KIAA1549: variants seen among roughly 807,000 people sequenced by gnomAD.
The protein encoded by KIAA1549 is UPF0606 protein KIAA1549.
KIAA1549 carries 70 observed loss-of-function variants against 156.4 expected under a neutral mutation model. The ratio of observed to expected loss-of-function variants is 0.45; its 90% CI spans 0.37 to 0.55. The LOEUF is 0.55. Ranked by LOEUF, KIAA1549 falls within the 20% of genes least tolerant of loss-of-function variation. The pLI is 0.00. For synonymous variants in KIAA1549, 1,103 were observed against 1,066.4 expected (o/e 1.03, Z -0.67); for missense variants, 2,428 against 2,540.9 (o/e 0.96, Z 0.96).
chr7:138,876,459 C>T (rs1218783588), intron 12 of KIAA1549: 1 of 152,314 alleles, frequency 6.6e-6, no homozygotes, highest in African/African-American at 2.4e-5. Context: ...GCTGCTGAAG[C>T]GAGCACTGCA....
Position 138,861,577 on chromosome 7 carries a change from GCA to G in KIAA1549, c.4930-123_4930-122del, listed in dbSNP as rs57687210. Reference sequence around the variant, plus strand: ...ATTAAAAAATGACAGTTGAGGCTGTGCACAGTGGCTCACACCTTTAATTCCAG... The same window carrying G: ...ATTAAAAAATGACAGTTGAGGCTGTGCAGTGGCTCACACCTTTAATTCCAG... On this transcript the variant is annotated intron_variant, in intron 15 of 19. Coordinates refer to ENST00000422774, the MANE Select transcript of KIAA1549 (RefSeq NM_001164665.2). The G allele has an allele frequency of 5.5e-3, 4,556 of 833,782 alleles. 153 individuals carry two copies. The African/African-American group carries it at 0.069, about 13-fold the overall frequency. The allele number at this position is 833,782 out of a possible 1,614,324, so 51.6% of individuals were successfully genotyped here.
At chr7:138,884,013 A>G (rs1435379001) in intron 10 of KIAA1549, among the ~76,000 whole-genome samples, 1 of 152,188 alleles carries the variant, frequency 6.6e-6, no homozygotes, top group Non-Finnish European at 1.5e-5. Context: ...TACAAGGGTC[A>G]GGGCATTCAG....
intron 16 of KIAA1549, among the ~76,000 whole-genome samples, chr7:138,854,665 T>C (rs1439584788): frequency 6.6e-6 from 1 of 152,154 alleles, no homozygotes; most frequent in Non-Finnish European, 1.5e-5. Context: ...TATGCACAGA[T>C]AAAGCCAATG....
At position 138,840,267 on chromosome 7, in the gene KIAA1549, G is replaced by A. The variant is rs868476435; in HGVS notation, c.5464C>T (p.Gln1822Ter). The change falls in exon 19 of 20, where the codon CAG (glutamine) becomes TAG (stop). Residue 1822 changes from glutamine (Q) to a stop codon, truncating the protein, a stop_gained. Coordinates refer to ENST00000422774, the MANE Select transcript of KIAA1549 (RefSeq NM_001164665.2). LOFTEE classifies it high-confidence loss of function. ...GCAATCCCCACCTGTGTCAGGTGCT[G>A]GATCTGGGAGCCTGGAAGGAACATG... is the stretch of plus-strand genomic sequence containing the variant. The part of the protein sequence containing the change: ...PVGGTTGSQI[Q>*]HLTQVGIASR... 3 of 1,599,704 alleles carry A rather than the reference G, an allele frequency of 1.9e-6. No individual in the cohort carries two copies. The highest frequency in any genetic ancestry group is 1.3e-5 in the African/African-American group (1 of 74,812).
chr7:138,975,218 AAAGGAGAT>A (rs138437839), intron 1 of KIAA1549, among the ~76,000 whole-genome samples: 2,276 of 152,300 alleles, frequency 0.015, 53 homozygotes, highest in African/African-American at 0.052. Flanking sequence ...TGAAGCTAAC[AAAGGAGAT>A]GGAAAAAAGA....
chr7:138,833,568 A>T lies in KIAA1549; in HGVS notation c.*4338T>A, dbSNP rs1809605233. ...GGCAAACACCCACTGCTTAAAAGTC[A>T]TCTGCCACCCAAATCAAAACACTAT... On this transcript the variant is annotated 3_prime_UTR_variant, in exon 20 of 20. Coordinates refer to ENST00000422774, the MANE Select transcript of KIAA1549 (RefSeq NM_001164665.2). 4.3e-6 allele frequency: 1 copy of T among 232,584 alleles called. No homozygotes were observed. The highest frequency in any genetic ancestry group is 8.5e-6 in the Non-Finnish European group (1 of 117,680). 14.4% of individuals were successfully genotyped at this position (232,584 alleles called of 1,614,324 possible).
At position 138,917,167 on chromosome 7, in the gene KIAA1549, C is replaced by T; in HGVS notation, c.2459G>A (p.Gly820Asp). Residue 820 changes from glycine (G) to aspartate (D), a missense_variant, in exon 2 of 20, where the codon GGT (glycine) becomes GAT (aspartate). This residue lies in a region of KIAA1549 where 762 missense variants were observed against 901.6 expected (regional missense o/e 0.85). Transcript: ENST00000422774. ...PPDDQISALDGHVSVLASFSK... is the reference protein window; with the variant it reads ...PPDDQISALDDHVSVLASFSK... ...GAAAGAGGCCAGGACAGACACGTGACCGTCTAGAGCACTGATTTGGTCGTC... is the reference window on the plus strand; with the variant it reads ...GAAAGAGGCCAGGACAGACACGTGATCGTCTAGAGCACTGATTTGGTCGTC... 1.9e-6 allele frequency: 3 copies of T among 1,613,892 alleles called. No individual in the cohort carries two copies. The highest frequency in any genetic ancestry group is 1.1e-5 in the South Asian group (1 of 91,062).
In KIAA1549 at chr7:138,836,792, C is replaced by T. The variant is rs1809720613; in HGVS notation, c.*1114G>A. The stretch of plus-strand genomic sequence containing the variant: ...CCCTTGGGGTCTCAAAGCTCTTTTA[C>T]ATTTCTTGATTCATTACAGAGAGGC... On this transcript the variant is annotated 3_prime_UTR_variant, in exon 20 of 20. Transcript: ENST00000422774. 4.5e-6 allele frequency: 1 copy of T among 223,956 alleles called. No individual in the cohort carries two copies. Among genetic ancestry groups the T allele is most frequent in the South Asian group, 1.8e-4 (1 of 5,436 alleles). The allele number at this position is 223,956 out of a possible 1,614,324, so 13.9% of individuals were successfully genotyped here. A position where few individuals can be genotyped will look rare whatever the true frequency, so the allele number is the denominator to read the frequency against.
intron 1 of KIAA1549, among the ~76,000 whole-genome samples, chr7:138,962,071 G>A (rs1447944571): frequency 6.6e-6 from 1 of 152,044 alleles, no homozygotes; most frequent in Non-Finnish European, 1.5e-5. Flanking sequence ...TCCTCTCTCA[G>A]TTATCAGTTA....
In KIAA1549 at chr7:138,917,670, C is replaced by G. The variant is rs1404603783; in HGVS notation, c.1956G>C (p.Pro652=). The G allele has an allele frequency of 6.2e-7, 1 of 1,612,022 alleles. No homozygotes were observed. Residue 652 remains proline (P), a synonymous_variant, in exon 2 of 20, where the codon CCG becomes CCC. Transcript: ENST00000422774. ...SEAPASLSLM[P]SDLSPFTSQS... ...GAGATGTGAAGGGGGACAAGTCACT[C>G]GGCATCAGAGACAGAGACGCAGGTG...
intron 10 of KIAA1549, among the ~76,000 whole-genome samples, chr7:138,883,256 G>A (rs1354093792): frequency 1.1e-4 from 15 of 135,390 alleles, no homozygotes; most frequent in African/African-American, 3.8e-4. Context: ...CCAGGTGAAA[G>A]AGTAAGACTC....
At chr7:138,960,568 C>T (rs1367299752) in intron 1 of KIAA1549, among the ~76,000 whole-genome samples, 1 of 151,942 alleles carries the variant, frequency 6.6e-6, no homozygotes, top group African/African-American at 2.4e-5. Context: ...CCTCGGCCTC[C>T]AAAAATGCTG....
At chr7:138,838,297 C>A in intron 19 of KIAA1549, 137 bp from the exon 20 acceptor site, 4 of 877,852 alleles carry the variant, frequency 4.6e-6, no homozygotes, top group Non-Finnish European at 6.7e-6. Context: ...GCCCTGCTGC[C>A]TATGCTGCAG....
In KIAA1549 at chr7:138,918,170, G is replaced by C. The variant is rs2718131; in HGVS notation, c.1456C>G (p.Pro486Ala). Residue 486 changes from proline to alanine, a missense_variant, in exon 2 of 20, where the codon CCC becomes GCC. This residue lies in a region of KIAA1549 where 893 missense variants were observed against 847.9 expected (regional missense o/e 1.05). Transcript: ENST00000422774. This position sits in a 1 kb window ranked among gnomAD's most constrained non-coding sequence, Gnocchi z 4.2. ...GAAAGTGGGACGATAGGTCTGGAGG[G>C]GAAAAGCGTATTAAATACTTGAGGA... The part of the protein sequence containing the change: ...EDPQVFNTLF[P>A]SRPIVPLSSR... 373,895 of 1,613,224 alleles carry C rather than the reference G, an allele frequency of 0.23. 45,533 individuals are homozygous for C. Among genetic ancestry groups the C allele is most frequent in the African/African-American group, 0.38 (28,566 of 74,926 alleles).
At chr7:138,896,670 T>C (rs1409266052) in intron 9 of KIAA1549, among the ~76,000 whole-genome samples, 1 of 150,868 alleles carries the variant, frequency 6.6e-6, no homozygotes, top group Non-Finnish European at 1.5e-5. Flanking sequence ...TCAAGCTCAC[T>C]TGCAGCCGCG....
intron 1 of KIAA1549, among the ~76,000 whole-genome samples, chr7:138,936,295 T>C (rs1026510866): frequency 6.6e-6 from 1 of 152,100 alleles, no homozygotes; most frequent in Non-Finnish European, 1.5e-5. Flanking sequence ...CACTTGAGTA[T>C]CCAACAGGCT....
At position 138,907,083 on chromosome 7, in the gene KIAA1549, C is replaced by T. The variant is rs371436607; in HGVS notation, c.3296G>A (p.Ser1099Asn). Reference sequence around the variant, plus strand: ...CCGCCGAGGAGTCACCCTTGAGGAACTGATGGTGATATTCAAGATCTGAAA... The same window carrying T: ...CCGCCGAGGAGTCACCCTTGAGGAATTGATGGTGATATTCAAGATCTGAAA... ...LTVQILNITI[S>N]SSRVTPRRGP... is the part of the protein sequence containing the mutation. The change falls in exon 6 of 20, where the codon AGT (serine) becomes AAT (asparagine). Residue 1099 changes from serine to asparagine, a missense_variant. Transcript: ENST00000422774. 2 of 1,596,156 alleles carry T rather than the reference C, an allele frequency of 1.3e-6. No homozygotes were observed. Among genetic ancestry groups the T allele is most frequent in the African/African-American group, 2.7e-5 (2 of 73,914 alleles).
intron 1 of KIAA1549, among the ~76,000 whole-genome samples, chr7:138,969,891 G>T (rs985819070): frequency 2.0e-5 from 3 of 152,164 alleles, no homozygotes; most frequent in Non-Finnish European, 4.4e-5. Context: ...GAGATGCTTT[G>T]ATACAGGTAC....
At chr7:138,898,034 A>C (rs947322439) in intron 9 of KIAA1549, among the ~76,000 whole-genome samples, 2 of 151,614 alleles carry the variant, frequency 1.3e-5, no homozygotes, top group South Asian at 4.2e-4. Flanking sequence ...GGCCGGGTGC[A>C]GTGGCTCACA....
Sources: allele counts gnomAD v4.1 joint callset (sites outside exome capture counted in the v4.1 genomes callset), GRCh38; gene constraint gnomAD v4.1.1; regional missense constraint gnomAD v4.1.1; non-coding constraint Gnocchi (gnomAD v3.1); transcripts MANE v1.5; gene names NCBI Gene and HGNC (gene_info 2026-07-23, HGNC 2026-07-21).